Variants in LARP6 observed in about 807,000 individuals in gnomAD.
The protein encoded by LARP6 is La ribonucleoprotein 6, translational regulator.
Under a neutral mutation model 32.8 loss-of-function variants are expected in LARP6, and 18 were observed. The ratio of observed to expected loss-of-function variants is 0.55; its 90% CI spans 0.38 to 0.81. LARP6 has a LOEUF of 0.81. LARP6 is among the 40% of genes least tolerant of loss of function. The probability of loss-of-function intolerance (pLI) is 0.00; values close to 1 mark genes in which losing one functional copy is unlikely to be tolerated. For synonymous variants in LARP6, 289 were observed against 267.2 expected (o/e 1.08, Z -0.80); for missense variants, 598 against 663.1 (o/e 0.90, Z 1.08).
intron 2 of LARP6, among the ~76,000 whole-genome samples, chr15:70,834,379 A>G (rs2032109727): frequency 6.6e-6 from 1 of 152,220 alleles, no homozygotes; most frequent in Non-Finnish European, 1.5e-5. Flanking sequence ...AGGTGGACAG[A>G]GTCCATGAGG....
At chr15:70,835,757 C>T (rs2032135896) in intron 2 of LARP6, among the ~76,000 whole-genome samples, 1 of 152,232 alleles carries the variant, frequency 6.6e-6, no homozygotes, top group Admixed American at 6.5e-5. Context: ...AAGCAGTCTG[C>T]TGCCCAGATG....
In LARP6 at chr15:70,831,924, T is replaced by C; in HGVS notation, c.*128A>G. The C allele has an allele frequency of 1.6e-6, 1 of 632,312 alleles. No homozygotes were observed. The highest frequency in any genetic ancestry group is 4.2e-4 in the Middle Eastern group (1 of 2,364). 39.2% of individuals were successfully genotyped at this position (632,312 alleles called of 1,614,324 possible). A position where few individuals can be genotyped will look rare whatever the true frequency, so the allele number is the denominator to read the frequency against. ...TTATGTATATTACAGATAGATAAAT[T>C]AAGAGGTCTACATGAATAAAAAATC... On this transcript the variant is annotated 3_prime_UTR_variant, in exon 3 of 3. Transcript: ENST00000299213.
Position 70,853,964 on chromosome 15 carries a change from C to A in LARP6, c.125G>T (p.Gly42Val). ...EDEEEGAETR[G>V]AGDPARYLSP... ...GAGGTACCGGGCCGGGTCCCCGGCG[C>A]CCCGAGTCTCCGCCCCCTCCTCCTC... The change falls in exon 1 of 3, where the codon GGC becomes GTC. Residue 42 changes from glycine (G) to valine (V), a missense_variant. Physicochemically the swap from Gly to Val is moderately radical, Grantham distance 109. Transcript: ENST00000299213. 1 of 1,457,446 alleles carries A rather than the reference C, an allele frequency of 6.9e-7. No individual in the cohort carries two copies. The allele number at this position is 1,457,446 out of a possible 1,614,324, so 90.3% of individuals were successfully genotyped here.
At chr15:70,837,468 T>C (rs1219905377) in intron 1 of LARP6, among the ~76,000 whole-genome samples, 2 of 152,204 alleles carry the variant, frequency 1.3e-5, no homozygotes, top group African/African-American at 2.4e-5. Flanking sequence ...GCTTTTCACA[T>C]ATACTCTCTT....
intron 1 of LARP6, among the ~76,000 whole-genome samples, chr15:70,842,579 C>T (rs1013243021): frequency 6.6e-6 from 1 of 152,110 alleles, no homozygotes; most frequent in Non-Finnish European, 1.5e-5. Context: ...TAAATATGTC[C>T]ACAATCTAAC....
At chr15:70,846,499 T>C (rs1328877554) in intron 1 of LARP6, among the ~76,000 whole-genome samples, 1 of 151,856 alleles carries the variant, frequency 6.6e-6, no homozygotes, top group East Asian at 1.9e-4. Flanking sequence ...GTCTAGGCTA[T>C]TTGGGAGGCT....
chr15:70,851,788 T>A, intron 1 of LARP6: 3 of 1,603,550 alleles, frequency 1.9e-6, no homozygotes, highest in Non-Finnish European at 2.6e-6. Flanking sequence ...TACAGAGTAC[T>A]ACAGCAACAG....
intron 1 of LARP6, chr15:70,852,059 T>G (rs1181219147): frequency 5.5e-6 from 2 of 362,896 alleles, no homozygotes; most frequent in Non-Finnish European, 1.1e-5. Flanking sequence ...ATGAGCAGAT[T>G]GAGGAATCTG....
chr15:70,851,223 G>T (rs2032442280), intron 1 of LARP6, among the ~76,000 whole-genome samples: 1 of 152,182 alleles, frequency 6.6e-6, no homozygotes, highest in Non-Finnish European at 1.5e-5. Context: ...TACCTCAAAT[G>T]GTTCGGGGAA....
At chr15:70,839,989 T>C (rs548456150) in intron 1 of LARP6, among the ~76,000 whole-genome samples, 38 of 152,336 alleles carry the variant, frequency 2.5e-4, no homozygotes, top group Non-Finnish European at 4.6e-4. Context: ...CTTATAACTA[T>C]CTACCTGCAG....
At chr15:70,848,061 T>C (rs2032379257) in intron 1 of LARP6, among the ~76,000 whole-genome samples, 2 of 152,212 alleles carry the variant, frequency 1.3e-5, no homozygotes, top group Admixed American at 6.5e-5. Flanking sequence ...GGCAAATTGA[T>C]AATGCAATAT....
In LARP6 at chr15:70,847,422, T is replaced by G. The variant is rs1426782894; in HGVS notation, c.200+6467A>C. On this transcript the variant is annotated intron_variant, in intron 1 of 2. Transcript: ENST00000299213. ...TCTCACTCTATCGCCTAGGCTGGAG[T>G]GCAGTGGCACTATCTTGGCTCACTG... Among the ~76,000 whole-genome samples the G allele has an allele frequency of 6.6e-5, 10 of 151,818 alleles. No individual in the cohort carries two copies. The East Asian group carries it at 1.9e-3, about 29-fold the overall frequency.
intron 1 of LARP6, among the ~76,000 whole-genome samples, chr15:70,837,797 G>A (rs1488010119): frequency 1.3e-5 from 2 of 152,214 alleles, no homozygotes; most frequent in African/African-American, 4.8e-5. Flanking sequence ...AGCTCTAGGA[G>A]TCCTGGCTTT....
At chr15:70,839,804 C>T (rs2032219478) in intron 1 of LARP6, among the ~76,000 whole-genome samples, 1 of 152,190 alleles carries the variant, frequency 6.6e-6, no homozygotes, top group Admixed American at 6.5e-5. Flanking sequence ...GCCACTAACA[C>T]TTAAGTGAAA....
intron 1 of LARP6, among the ~76,000 whole-genome samples, chr15:70,844,686 A>C (rs75121136): frequency 0.013 from 1,969 of 152,242 alleles, 45 homozygotes; most frequent in African/African-American, 0.045. Context: ...TTTGTAATTT[A>C]CACACTAAGA....
At chr15:70,849,670 T>C (rs1567023784) in intron 1 of LARP6, 1 of 152,034 alleles carries the variant, frequency 6.6e-6, no homozygotes, top group Non-Finnish European at 1.5e-5. Context: ...TTCAAGGGGG[T>C]CTGCTGGCTG....
At chr15:70,845,520 G>A (rs990999024) in intron 1 of LARP6, among the ~76,000 whole-genome samples, 7 of 152,172 alleles carry the variant, frequency 4.6e-5, no homozygotes, top group African/African-American at 1.7e-4. Context: ...CAACATGAAT[G>A]ATCACTGTGG....
intron 1 of LARP6, among the ~76,000 whole-genome samples, chr15:70,846,734 T>A (rs1460572993): frequency 2.0e-5 from 3 of 152,156 alleles, no homozygotes; most frequent in Non-Finnish European, 4.4e-5. Flanking sequence ...AAAACTTATT[T>A]CCATCGGTTT....
At position 70,836,323 on chromosome 15, in the gene LARP6, C is replaced by G; in HGVS notation, c.383G>C (p.Ser128Thr). ...HVRRNKLGYV[S>T]VKLLTSFKKV... ...TTTGAAGGATGTGAGTAGCTTAACG[C>G]TCACATATCCCAGCTTGTTCCTCCT... Residue 128 changes from serine (S) to threonine (T), a missense_variant, in exon 2 of 3, where the codon AGC becomes ACC. Coordinates refer to ENST00000299213, the MANE Select transcript of LARP6 (RefSeq NM_018357.4). 6.2e-7 allele frequency: 1 copy of G among 1,614,146 alleles called. No individual in the cohort carries two copies. Among genetic ancestry groups the G allele is most frequent in the South Asian group, 1.1e-5 (1 of 91,074 alleles).
Sources: gnomAD v4.1 joint callset for allele counts (sites outside exome capture counted in the v4.1 genomes callset) on GRCh38, gnomAD v4.1.1 for gene constraint, MANE v1.5 for transcripts, NCBI Gene and HGNC (gene_info 2026-07-23, HGNC 2026-07-21) for gene names.